Variants in EVL observed in about 807,000 individuals in gnomAD.
EVL encodes ena/VASP-like protein.
Under a neutral mutation model 59.6 loss-of-function variants are expected in EVL, and 21 were observed. The observed-to-expected ratio is 0.35, with a 90% CI of 0.25 to 0.51. The LOEUF is 0.51. Among genes scored for constraint, EVL ranks in the 20% least tolerant of loss-of-function variants. The pLI is 0.97. For missense variants in EVL, 462 were observed against 546.6 expected (o/e 0.85, Z 1.54); for synonymous variants, 198 against 203.5 (o/e 0.97, Z 0.23).
intron 3 of EVL, among the ~76,000 whole-genome samples, chr14:100,121,402 G>A (rs986799537): frequency 6.6e-5 from 10 of 152,298 alleles, no homozygotes; most frequent in Middle Eastern, 3.4e-3. Flanking sequence ...AGACCCCTGC[G>A]CCTTGCTGGG....
At chr14:100,042,702 C>A (rs1285767610) in intron 1 of EVL, among the ~76,000 whole-genome samples, 1 of 152,158 alleles carries the variant, frequency 6.6e-6, no homozygotes, top group Non-Finnish European at 1.5e-5. Flanking sequence ...TTAGCACATT[C>A]TCCTGAAAAA....
chr14:100,001,542 C>G (rs1336714413), intron 1 of EVL, among the ~76,000 whole-genome samples: 1 of 152,194 alleles, frequency 6.6e-6, no homozygotes, highest in African/African-American at 2.4e-5. Context: ...GTAATTATTT[C>G]TCACATAGGC....
chr14:100,081,224 AT>A (rs2062295538), intron 1 of EVL, among the ~76,000 whole-genome samples: 1 of 152,216 alleles, frequency 6.6e-6, no homozygotes, highest in South Asian at 2.1e-4. Flanking sequence ...GAGTTTGAGT[AT>A]TTATCCAGGT....
Position 100,045,237 on chromosome 14 carries a change from A to C in EVL, c.6-39450A>C, listed in dbSNP as rs2061529447. Among the ~76,000 whole-genome samples the C allele has an allele frequency of 2.6e-5, 4 of 151,708 alleles. No individual in the cohort carries two copies. In the South Asian group the frequency reaches 8.3e-4, roughly 32 times the overall value. On this transcript the variant is annotated intron_variant, in intron 1 of 13. Transcript: ENST00000402714. ...TTCTGGAAGCTGGTGCATAACTCCTACTCCTGCCTTAATCCTCTGTTCCTG... is the reference window on the plus strand; with the variant it reads ...TTCTGGAAGCTGGTGCATAACTCCTCCTCCTGCCTTAATCCTCTGTTCCTG...
rs150873033 is a variant in EVL, at chr14:100,113,581, G to A, written c.359-9958G>A. On this transcript the variant is annotated intron_variant, in intron 3 of 13. Coordinates refer to ENST00000392920, the MANE Select transcript of EVL (RefSeq NM_016337.3). The stretch of plus-strand genomic sequence containing the variant: ...TGTGGGGGAAGGATTTGGGCTAGGA[G>A]GAGGGAAATCAAGGAAGGAATGAGG... Among the ~76,000 whole-genome samples, 13 of 152,202 alleles carry A rather than the reference G, an allele frequency of 8.5e-5. 1 individual carries two copies. The East Asian group carries it at 2.5e-3, about 29-fold the overall frequency.
chr14:100,071,088 G>A (rs2062039880), intron 1 of EVL, among the ~76,000 whole-genome samples: 2 of 152,118 alleles, frequency 1.3e-5, no homozygotes, highest in Admixed American at 1.3e-4. Context: ...GAGACCAGCT[G>A]TCCAGGCATC....
chr14:100,143,966 T>A lies in EVL; in HGVS notation c.*228T>A, dbSNP rs1206021753. On this transcript the variant is annotated 3_prime_UTR_variant, in exon 14 of 14. Coordinates refer to ENST00000392920, the MANE Select transcript of EVL (RefSeq NM_016337.3). ...GGAACACCAGGTCTGCTCGTCTTTT[T>A]TGTGTTTTATATTTGCTTATTTAAG... 1 of 546,546 alleles carries A rather than the reference T, an allele frequency of 1.8e-6. No homozygotes were observed. The highest frequency in any genetic ancestry group is 1.9e-5 in the African/African-American group (1 of 52,166). 33.9% of individuals were successfully genotyped at this position (546,546 alleles called of 1,614,324 possible). A position where few individuals can be genotyped will look rare whatever the true frequency, so the allele number is the denominator to read the frequency against.
At chr14:100,036,065 G>A (rs1344408880) in intron 1 of EVL, among the ~76,000 whole-genome samples, 1 of 152,200 alleles carries the variant, frequency 6.6e-6, no homozygotes. Context: ...GAGCAGTGGT[G>A]AGCATTACTG....
intron 1 of EVL, among the ~76,000 whole-genome samples, chr14:100,020,310 C>G (rs1035638098): frequency 6.6e-6 from 1 of 152,142 alleles, no homozygotes; most frequent in African/African-American, 2.4e-5. Context: ...CTTACTCCCT[C>G]TCTTCTCCAG....
At chr14:100,126,558 A>C in intron 4 of EVL, 149 bp from the exon 5 acceptor site, 2 of 746,882 alleles carry the variant, frequency 2.7e-6, no homozygotes, top group Non-Finnish European at 4.5e-6. Flanking sequence ...TCCTCTGTTA[A>C]GTGGAGGCAG....
chr14:100,117,677 G>A (rs1447449557), intron 3 of EVL, among the ~76,000 whole-genome samples: 2 of 152,154 alleles, frequency 1.3e-5, no homozygotes, highest in Non-Finnish European at 2.9e-5. Context: ...TGAGTCTCTG[G>A]CACAGGATCT....
chr14:100,118,425 C>T (rs984714754), intron 3 of EVL, among the ~76,000 whole-genome samples: 4 of 152,206 alleles, frequency 2.6e-5, no homozygotes, highest in African/African-American at 7.2e-5. Context: ...TGAAAAGGTA[C>T]AATACAAGGA....
intron 1 of EVL, among the ~76,000 whole-genome samples, chr14:100,034,234 CAA>C (rs548491187): frequency 3.0e-4 from 27 of 90,856 alleles, no homozygotes; most frequent in East Asian, 3.2e-4. Flanking sequence ...GAATCTGTCT[CAA>C]AAAAAAAAAA....
At chr14:99,987,905 A>ATTTTTTTTT (rs774580760) in intron 1 of EVL, among the ~76,000 whole-genome samples, 1 of 103,818 alleles carries the variant, frequency 9.6e-6, no homozygotes, top group Admixed American at 1.0e-4. Flanking sequence ...AGACAACCCA[A>ATTTTTTTTT]TTTTTTTTTT....
At chr14:100,135,629 G>A (rs566582046) in intron 8 of EVL, 23 of 385,338 alleles carry the variant, frequency 6.0e-5, no homozygotes, top group East Asian at 1.6e-4. Flanking sequence ...CAGGGCTTGC[G>A]GGTGTTGAGG....
rs1351755304 is a variant in EVL, at chr14:100,047,116, CTCTTTTTTTT to C, written c.6-37569_6-37560del. Reference sequence around the variant, plus strand: ...TTTGAGACCTTGGGCAGATCTCTCTCTCTTTTTTTTTTTTTTTTTTTTTTTTTTTACCTGA... The same window carrying C: ...TTTGAGACCTTGGGCAGATCTCTCTCTTTTTTTTTTTTTTTTTTTACCTGA... On this transcript the variant is annotated intron_variant, in intron 1 of 13. Transcript: ENST00000402714. 5.7e-3 allele frequency among the ~76,000 whole-genome samples: 161 copies of C among 28,456 alleles called. 2 individuals carry two copies. Among genetic ancestry groups the C allele is most frequent in the Non-Finnish European group, 7.0e-3 (69 of 9,844 alleles). The allele number at this position is 28,456 out of a possible 152,430, so 18.7% of individuals were successfully genotyped here. A position where few individuals can be genotyped will look rare whatever the true frequency, so the allele number is the denominator to read the frequency against.
At chr14:100,005,002 ATTATT>A (rs1348839668) in intron 1 of EVL, among the ~76,000 whole-genome samples, 1 of 152,222 alleles carries the variant, frequency 6.6e-6, no homozygotes, top group Non-Finnish European at 1.5e-5. Flanking sequence ...CATTTACCTA[ATTATT>A]TTATTCTAAT....
chr14:100,115,312 G>A (rs1887266989), intron 3 of EVL, among the ~76,000 whole-genome samples: 1 of 152,302 alleles, frequency 6.6e-6, no homozygotes, highest in South Asian at 2.1e-4. Context: ...TTGTGAATGT[G>A]AGCTTGGGCA....
At chr14:100,118,493 TC>T (rs1887491494) in intron 3 of EVL, among the ~76,000 whole-genome samples, 1 of 152,162 alleles carries the variant, frequency 6.6e-6, no homozygotes, top group Admixed American at 6.5e-5. Context: ...TGGCAATTCT[TC>T]ATGTCCCTGC....
Sources: gnomAD v4.1 joint callset for allele counts (sites outside exome capture counted in the v4.1 genomes callset) on GRCh38, gnomAD v4.1.1 for gene constraint, MANE v1.5 for transcripts, NCBI Gene and HGNC (gene_info 2026-07-23, HGNC 2026-07-21) for gene names.